LDLRAD4: variants seen among roughly 807,000 people sequenced by gnomAD.
LDLRAD4 encodes the protein low-density lipoprotein receptor class A domain-containing protein 4.
A neutral mutation model predicts 17.0 loss-of-function variants in LDLRAD4; 5 were observed. The observed-to-expected ratio is 0.29, with a 90% CI of 0.15 to 0.62. LDLRAD4 has a LOEUF of 0.62. Among genes scored for constraint, LDLRAD4 ranks in the 20% least tolerant of loss-of-function variants. The pLI is 0.84. For synonymous variants in LDLRAD4, 168 were observed against 171.8 expected (o/e 0.98, Z 0.17); for missense variants, 340 against 424.7 (o/e 0.80, Z 1.75).
exon 2 of LDLRAD4, chr18:13,387,516 G>C (rs898463818): frequency 9.7e-6 from 5 of 517,984 alleles, no homozygotes; most frequent in African/African-American, 8.3e-5. Context: ...GCTGACGGGA[G>C]CAGGGACCGC....
intron 4 of LDLRAD4, among the ~76,000 whole-genome samples, chr18:13,632,855 T>G (rs1049473918): frequency 6.6e-6 from 1 of 152,246 alleles, no homozygotes; most frequent in Non-Finnish European, 1.5e-5. Flanking sequence ...AGCTCCTTTC[T>G]GTAGGCAGGT....
intron 3 of LDLRAD4, among the ~76,000 whole-genome samples, chr18:13,570,405 G>A (rs934711825): frequency 6.6e-6 from 1 of 152,256 alleles, no homozygotes; most frequent in Non-Finnish European, 1.5e-5. Context: ...AGTTATCAGG[G>A]CCAGAGGAGT....
chr18:13,425,687 G>C (rs767311140), intron 2 of LDLRAD4, among the ~76,000 whole-genome samples: 29 of 152,332 alleles, frequency 1.9e-4, no homozygotes, highest in Non-Finnish European at 3.4e-4. Flanking sequence ...CTGGAGTGAG[G>C]ACCAGCGTGA....
chr18:13,454,684 C>A (rs1568180810), intron 3 of LDLRAD4, among the ~76,000 whole-genome samples: 1 of 152,228 alleles, frequency 6.6e-6, no homozygotes, highest in Non-Finnish European at 1.5e-5. Context: ...CCGGGATGGC[C>A]ATCCACCTGA....
chr18:13,342,486 T>A (rs995529302), intron 1 of LDLRAD4, among the ~76,000 whole-genome samples: 32 of 146,428 alleles, frequency 2.2e-4, no homozygotes, highest in African/African-American at 7.9e-4. Context: ...TCTTTTTTTT[T>A]TTTTTTTTTT....
At chr18:13,406,608 C>T (rs1422281463) in intron 2 of LDLRAD4, among the ~76,000 whole-genome samples, 3 of 152,166 alleles carry the variant, frequency 2.0e-5, no homozygotes, top group Non-Finnish European at 4.4e-5. Context: ...TCAGAGGAGC[C>T]TCATCATTCT....
intron 2 of LDLRAD4, among the ~76,000 whole-genome samples, chr18:13,412,420 A>G (rs142220380): frequency 1.3e-5 from 2 of 152,172 alleles, no homozygotes; most frequent in South Asian, 4.2e-4. Context: ...TATCTCCCTT[A>G]TAAAGAAGTA....
intron 3 of LDLRAD4, among the ~76,000 whole-genome samples, chr18:13,584,066 C>T (rs976882982): frequency 5.1e-4 from 77 of 152,326 alleles, no homozygotes; most frequent in African/African-American, 1.7e-3. Context: ...CCGGCCCACC[C>T]GAAGCCACGT....
At chr18:13,467,877 C>T (rs1031625810) in intron 3 of LDLRAD4, among the ~76,000 whole-genome samples, 2 of 152,218 alleles carry the variant, frequency 1.3e-5, no homozygotes, top group African/African-American at 4.8e-5. Flanking sequence ...GCTCCAAGTC[C>T]ATTTAATGGG....
chr18:13,510,162 G>A (rs2093755059), intron 3 of LDLRAD4, among the ~76,000 whole-genome samples: 1 of 152,176 alleles, frequency 6.6e-6, no homozygotes, highest in Non-Finnish European at 1.5e-5. Flanking sequence ...ATTGTTCAGA[G>A]GCAGGTGTTA....
At position 13,645,564 on chromosome 18, in the gene LDLRAD4, C is replaced by T. The variant is rs745321536; in HGVS notation, c.828C>T (p.His276=). Reference sequence around the variant, plus strand: ...TCCATCACCAGCGCAGCAACGCACACAGGGGCAGCAGACTGCAGTTTCAGC... The same window carrying T: ...TCCATCACCAGCGCAGCAACGCACATAGGGGCAGCAGACTGCAGTTTCAGC... The change falls in exon 6 of 6, where the codon CAC becomes CAT. Residue 276 remains histidine, a synonymous_variant. Coordinates refer to ENST00000359446, the Ensembl canonical transcript of LDLRAD4. This position sits in a 1 kb window ranked among gnomAD's most constrained non-coding sequence, Gnocchi z 5.7. 1 of 1,606,080 alleles carries T rather than the reference C, an allele frequency of 6.2e-7. No homozygotes were observed. The highest frequency in any genetic ancestry group is 8.5e-7 in the Non-Finnish European group (1 of 1,176,380).
At chr18:13,612,876 C>T (rs2039734393) in intron 3 of LDLRAD4, 1 of 1,376,782 alleles carries the variant, frequency 7.3e-7, no homozygotes, top group Admixed American at 2.1e-5. Context: ...AGAGGAGAAG[C>T]TCTTTCTCAA....
chr18:13,541,358 G>A (rs1376889244), intron 3 of LDLRAD4, among the ~76,000 whole-genome samples: 1 of 152,214 alleles, frequency 6.6e-6, no homozygotes, highest in Non-Finnish European at 1.5e-5. Flanking sequence ...CTTGGTTAAA[G>A]AAATTACAGA....
chr18:13,281,417 A>G (rs1332821172), intron 1 of LDLRAD4, among the ~76,000 whole-genome samples: 2 of 152,152 alleles, frequency 1.3e-5, no homozygotes, highest in Non-Finnish European at 2.9e-5. Flanking sequence ...CCCTCAAAAC[A>G]AAAACAAAAA....
At chr18:13,448,870 A>C (rs2091608277) in intron 3 of LDLRAD4, among the ~76,000 whole-genome samples, 1 of 152,234 alleles carries the variant, frequency 6.6e-6, no homozygotes, top group African/African-American at 2.4e-5. Flanking sequence ...CGTGGACTGC[A>C]GAGGTGGGTG....
intron 1 of LDLRAD4, among the ~76,000 whole-genome samples, chr18:13,346,801 T>C (rs1326634556): frequency 2.0e-5 from 3 of 152,258 alleles, no homozygotes; most frequent in African/African-American, 7.2e-5. Context: ...TTAGCTCTTC[T>C]TGTTGAATTG....
At chr18:13,574,138 A>G (rs894699380) in intron 3 of LDLRAD4, among the ~76,000 whole-genome samples, 1 of 152,190 alleles carries the variant, frequency 6.6e-6, no homozygotes, top group Non-Finnish European at 1.5e-5. Flanking sequence ...GATGGTTGAG[A>G]AAGTGGTAGG....
At chr18:13,485,301 T>C (rs1343894234) in intron 3 of LDLRAD4, among the ~76,000 whole-genome samples, 1 of 151,674 alleles carries the variant, frequency 6.6e-6, no homozygotes, top group African/African-American at 2.4e-5. Context: ...CTGGTAGGAG[T>C]GTAGTTGGTG....
chr18:13,507,219 A>G (rs967865415), intron 3 of LDLRAD4, among the ~76,000 whole-genome samples: 3 of 152,166 alleles, frequency 2.0e-5, no homozygotes, highest in East Asian at 3.9e-4. Flanking sequence ...TTTTGGTTAC[A>G]TGGATAAGTT....
Sources: allele counts gnomAD v4.1 joint callset (sites outside exome capture counted in the v4.1 genomes callset), GRCh38; gene constraint gnomAD v4.1.1; non-coding constraint Gnocchi (gnomAD v3.1); transcripts MANE v1.5; gene names NCBI Gene and HGNC (gene_info 2026-07-23, HGNC 2026-07-21).